Variants in RBFOX1 observed in about 807,000 individuals in gnomAD.
RBFOX1 encodes RNA binding fox-1 homolog 1, also known as RNA binding protein fox-1 homolog 1.
In RBFOX1, 8 loss-of-function variants were observed where a neutral mutation model predicts 57.7. The ratio of observed to expected loss-of-function variants is 0.14; its 90% CI spans 0.08 to 0.25. The LOEUF (loss-of-function observed/expected upper bound fraction) is 0.25. Ranked by LOEUF, RBFOX1 falls within the 10% of genes least tolerant of loss-of-function variation. The probability of loss-of-function intolerance (pLI) is 1.00; values close to 1 mark genes in which losing one functional copy is unlikely to be tolerated. For missense variants in RBFOX1, 611 were observed against 548.5 expected (o/e 1.11, Z -1.14); for synonymous variants, 326 against 222.4 (o/e 1.47, Z -4.15).
At chr16:7,348,730 T>A (rs1340614102) in intron 4 of RBFOX1, among the ~76,000 whole-genome samples, 9 of 152,100 alleles carry the variant, frequency 5.9e-5, no homozygotes, top group Admixed American at 5.9e-4. Context: ...TCACCTGAGG[T>A]CAGGAGTTCA....
intron 14 of RBFOX1, among the ~76,000 whole-genome samples, chr16:7,694,342 T>A (rs1465388247): frequency 1.4e-4 from 21 of 152,226 alleles, no homozygotes; most frequent in Admixed American, 1.4e-3. Context: ...AAAAGGCTTA[T>A]GTGCCAATGT....
intron 3 of RBFOX1, among the ~76,000 whole-genome samples, chr16:5,751,847 A>C (rs955756584): frequency 6.6e-6 from 1 of 152,224 alleles, no homozygotes; most frequent in Non-Finnish European, 1.5e-5. Context: ...TAGTTCAACC[A>C]TTGTGGAAGA....
chr16:5,387,996 G>A (rs1240262688), intron 1 of RBFOX1, among the ~76,000 whole-genome samples: 1 of 152,144 alleles, frequency 6.6e-6, no homozygotes, highest in Non-Finnish European at 1.5e-5. Flanking sequence ...GAATGCAGGT[G>A]GCCTCTAGAA....
Position 6,164,815 on chromosome 16 carries a change from G to A in RBFOX1, c.-127+144823G>A, listed in dbSNP as rs149155593. Among the ~76,000 whole-genome samples the A allele has an allele frequency of 8.7e-3, 1,319 of 152,134 alleles. 9 individuals carry two copies. The highest frequency in any genetic ancestry group is 0.014 in the Non-Finnish European group (928 of 68,006). On this transcript the variant is annotated intron_variant, in intron 1 of 15. Transcript: ENST00000550418. ...CCTGTAAACACACTCAGTGGAGCTC[G>A]TTACAAGAAGACTGTCGATGTACTT... is the stretch of plus-strand genomic sequence containing the variant.
At chr16:6,440,246 A>G (rs577524994) in intron 2 of RBFOX1, among the ~76,000 whole-genome samples, 2 of 152,222 alleles carry the variant, frequency 1.3e-5, no homozygotes, top group East Asian at 1.9e-4. Context: ...CTAAATATAC[A>G]TGTATTGATG....
intron 3 of RBFOX1, among the ~76,000 whole-genome samples, chr16:6,780,225 A>ATT (rs1228529696): frequency 6.4e-5 from 5 of 78,282 alleles, no homozygotes; most frequent in African/African-American, 2.8e-4. Context: ...ATATTTATAT[A>ATT]TATATTTATA....
intron 1 of RBFOX1, among the ~76,000 whole-genome samples, chr16:6,173,392 G>A (rs1478731174): frequency 6.6e-6 from 1 of 152,152 alleles, no homozygotes; most frequent in African/African-American, 2.4e-5. Flanking sequence ...ACCTTGGTTA[G>A]TGTTACGTGT....
intron 3 of RBFOX1, among the ~76,000 whole-genome samples, chr16:6,812,325 A>G (rs1312487978): frequency 1.3e-5 from 2 of 152,172 alleles, no homozygotes; most frequent in Admixed American, 1.3e-4. Flanking sequence ...TAGAAAGGAA[A>G]CACAATGCAA....
intron 3 of RBFOX1, among the ~76,000 whole-genome samples, chr16:6,890,578 G>C (rs1316947817): frequency 2.0e-5 from 3 of 152,198 alleles, no homozygotes; most frequent in Non-Finnish European, 4.4e-5. Flanking sequence ...GGATGGTAAA[G>C]TGATAGATTT....
chr16:6,755,903 T>C lies in RBFOX1; in HGVS notation c.-16+101253T>C, dbSNP rs541299421. On this transcript the variant is annotated intron_variant, in intron 3 of 15. Transcript: ENST00000550418. ...ATGTATTGCTGAAAACTGCAGCAGA[T>C]GCACTTTTTCCATGTAGAAACATCC... Among the ~76,000 whole-genome samples, 59 of 152,286 alleles carry C rather than the reference T, an allele frequency of 3.9e-4. 1 individual carries two copies. In the South Asian group the frequency reaches 0.012, roughly 30 times the overall value.
At chr16:6,570,888 A>G (rs992454173) in intron 2 of RBFOX1, among the ~76,000 whole-genome samples, 1 of 152,226 alleles carries the variant, frequency 6.6e-6, no homozygotes. Context: ...GGGGAGAAGG[A>G]AGAGAAATTT....
rs190616698 is a variant in RBFOX1 at position 6,317,263 on chromosome 16, A to G, written c.-64+206A>G. ...ACCCTCCTTTAGCCCTCCCTCCCCAATGAACCTGGGAAATTTGTGAGGTTA... is the reference window on the plus strand; with the variant it reads ...ACCCTCCTTTAGCCCTCCCTCCCCAGTGAACCTGGGAAATTTGTGAGGTTA... On this transcript the variant is annotated intron_variant, in intron 2 of 15. Transcript: ENST00000550418. Among the ~76,000 whole-genome samples the G allele has an allele frequency of 7.2e-5, 11 of 152,268 alleles. No individual in the cohort carries two copies. In the East Asian group the frequency reaches 1.9e-3, roughly 27 times the overall value.
At chr16:6,014,429 C>A (rs916899118), upstream of RBFOX1, among the ~76,000 whole-genome samples, 2 of 152,152 alleles carry the variant, frequency 1.3e-5, no homozygotes, top group African/African-American at 2.4e-5. Context: ...AAAAAGAGAC[C>A]TCATCTGTGG....
At chr16:7,274,417 C>A (rs2095400523) in intron 4 of RBFOX1, among the ~76,000 whole-genome samples, 1 of 152,132 alleles carries the variant, frequency 6.6e-6, no homozygotes, top group Admixed American at 6.5e-5. Flanking sequence ...ACCCCTCTCA[C>A]ACACACACCA....
intron 2 of RBFOX1, among the ~76,000 whole-genome samples, chr16:6,410,138 T>C (rs1158386028): frequency 1.3e-5 from 2 of 150,720 alleles, no homozygotes; most frequent in Non-Finnish European, 2.9e-5. Context: ...TTCTTCTTCA[T>C]TGCAGTTTAG....
intron 2 of RBFOX1, among the ~76,000 whole-genome samples, chr16:6,617,850 G>C (rs1447368774): frequency 6.6e-6 from 1 of 152,182 alleles, no homozygotes; most frequent in Non-Finnish European, 1.5e-5. Flanking sequence ...GAAGTGATGT[G>C]AGTTTCAATA....
intron 2 of RBFOX1, among the ~76,000 whole-genome samples, chr16:5,554,947 T>G (rs997265026): frequency 6.6e-6 from 1 of 152,162 alleles, no homozygotes; most frequent in Non-Finnish European, 1.5e-5. Flanking sequence ...GGATGCAGAG[T>G]TGTATTTCCA....
At chr16:6,074,251 A>G (rs755371322) in intron 1 of RBFOX1, among the ~76,000 whole-genome samples, 19 of 152,050 alleles carry the variant, frequency 1.2e-4, no homozygotes, top group Non-Finnish European at 2.5e-4. Flanking sequence ...CCCGGCCATC[A>G]AGCTTCTTTC....
intron 5 of RBFOX1, among the ~76,000 whole-genome samples, chr16:7,518,639 A>G (rs747393383): frequency 4.6e-5 from 7 of 152,132 alleles, no homozygotes; most frequent in Non-Finnish European, 5.9e-5. Flanking sequence ...TCAATTTTCT[A>G]TTCCTATAGT....
Sources: allele counts gnomAD v4.1 joint callset (sites outside exome capture counted in the v4.1 genomes callset), GRCh38; gene constraint gnomAD v4.1.1; transcripts MANE v1.5; gene names NCBI Gene and HGNC (gene_info 2026-07-23, HGNC 2026-07-21).